The following ARHGAP15 variants were observed in gnomAD, a reference collection of about 807,000 sequenced individuals.
ARHGAP15 encodes the protein rho GTPase-activating protein 15.
Under a neutral mutation model 63.7 loss-of-function variants are expected in ARHGAP15, and 51 were observed. That is an observed-to-expected ratio of 0.80 (90% confidence interval 0.64 to 1.01). The LOEUF is 1.01. ARHGAP15 is among the 50% of genes least tolerant of loss of function. The pLI, the probability that ARHGAP15 is intolerant of heterozygous loss-of-function variation, is 0.00. For missense variants in ARHGAP15, 560 were observed against 564.6 expected, an observed-to-expected ratio of 0.99 and a Z score of 0.08; for synonymous variants, 191 against 193.8, an observed-to-expected ratio of 0.99 and a Z score of 0.12.
chr2:143,262,775 T>C (rs1338261031), intron 6 of ARHGAP15, among the ~76,000 whole-genome samples: 3 of 152,130 alleles, frequency 2.0e-5, no homozygotes, highest in Non-Finnish European at 4.4e-5. Context: ...ATCATGAGTA[T>C]CCATAGTTAC....
chr2:143,340,656 C>T (rs1685019604), intron 6 of ARHGAP15, among the ~76,000 whole-genome samples: 1 of 151,776 alleles, frequency 6.6e-6, no homozygotes, highest in South Asian at 2.1e-4. Flanking sequence ...CTCAGGGTGT[C>T]ATTAAGAGCA....
At chr2:143,509,574 G>A (rs781253176) in intron 9 of ARHGAP15, among the ~76,000 whole-genome samples, 16 of 152,086 alleles carry the variant, frequency 1.1e-4, no homozygotes, top group Non-Finnish European at 2.2e-4. Context: ...CAAAAACATA[G>A]GCCATTCCAT....
At chr2:143,280,316 G>T (rs1160116168) in intron 6 of ARHGAP15, among the ~76,000 whole-genome samples, 1 of 152,092 alleles carries the variant, frequency 6.6e-6, no homozygotes, top group Non-Finnish European at 1.5e-5. Context: ...GAGCAAGAAA[G>T]GATGTAGGGA....
chr2:143,178,919 C>T (rs556697973), intron 2 of ARHGAP15, among the ~76,000 whole-genome samples: 13 of 152,296 alleles, frequency 8.5e-5, no homozygotes, highest in Non-Finnish European at 1.5e-4. Flanking sequence ...CTGGAATCAC[C>T]AATTTATTTT....
Position 143,653,809 on chromosome 2 carries a change from C to G in ARHGAP15, c.1138+29542C>G, listed in dbSNP as rs544856074. 2.0e-5 allele frequency among the ~76,000 whole-genome samples: 3 copies of G among 152,256 alleles called. No individual in the cohort carries two copies. The South Asian group carries it at 6.2e-4, about 32-fold the overall frequency. ...CTGTTTTGTTTCCATAGTGCCAGAA[C>G]AGGGCACAGTACCTGGCATATAATA... On this transcript the variant is annotated intron_variant, in intron 12 of 13. Transcript: ENST00000295095.
At chr2:143,644,441 G>A (rs567669099) in intron 12 of ARHGAP15, among the ~76,000 whole-genome samples, 11 of 152,066 alleles carry the variant, frequency 7.2e-5, no homozygotes, top group Admixed American at 2.6e-4. Flanking sequence ...ATCAGCTTCC[G>A]GGGAGAAATG....
chr2:143,491,135 T>C (rs955896517), intron 9 of ARHGAP15, among the ~76,000 whole-genome samples: 1 of 152,188 alleles, frequency 6.6e-6, no homozygotes, highest in Non-Finnish European at 1.5e-5. Flanking sequence ...GGTGAGCCCT[T>C]TTTAAATATA....
intron 12 of ARHGAP15, among the ~76,000 whole-genome samples, chr2:143,631,461 T>C (rs895438428): frequency 8.5e-5 from 13 of 152,214 alleles, no homozygotes; most frequent in African/African-American, 2.6e-4. Flanking sequence ...AGAGTTCCAG[T>C]TTCCCCACAT....
chr2:143,623,145 T>C (rs1272193193), intron 11 of ARHGAP15, among the ~76,000 whole-genome samples: 1 of 152,212 alleles, frequency 6.6e-6, no homozygotes, highest in Non-Finnish European at 1.5e-5. Context: ...GAAAGACAAA[T>C]CGTCTGGCTC....
rs554195352 is a variant in ARHGAP15, at chr2:143,134,113, A to G, written c.-15+4647A>G. Among the ~76,000 whole-genome samples the G allele has an allele frequency of 2.0e-3, 62 of 30,502 alleles. 1 individual carries two copies. Among genetic ancestry groups the G allele is most frequent in the African/African-American group, 6.1e-3 (57 of 9,294 alleles). 20.0% of individuals were successfully genotyped at this position (30,502 alleles called of 152,430 possible). Reference sequence around the variant, plus strand: ...ATTGTTTCTATTTGAAAATCTATCTATCTATCTATCTATCTATCTATCTAT... The same window carrying G: ...ATTGTTTCTATTTGAAAATCTATCTGTCTATCTATCTATCTATCTATCTAT... On this transcript the variant is annotated intron_variant, in intron 1 of 13. Transcript: ENST00000295095.
intron 12 of ARHGAP15, among the ~76,000 whole-genome samples, chr2:143,658,773 A>G (rs1391308328): frequency 1.3e-5 from 2 of 152,154 alleles, no homozygotes; most frequent in South Asian, 2.1e-4. Flanking sequence ...AGAGGAGGGC[A>G]TTTTTCAGGA....
At chr2:143,743,413 G>A (rs1365009856) in intron 13 of ARHGAP15, among the ~76,000 whole-genome samples, 1 of 152,166 alleles carries the variant, frequency 6.6e-6, no homozygotes, top group East Asian at 1.9e-4. Context: ...ATGCTACTTC[G>A]GTCATGTGTA....
At chr2:143,410,480 G>A (rs1412153275) in intron 6 of ARHGAP15, among the ~76,000 whole-genome samples, 1 of 152,158 alleles carries the variant, frequency 6.6e-6, no homozygotes, top group Non-Finnish European at 1.5e-5. Context: ...TCCTGGAGGG[G>A]AAGAAAGCAT....
At chr2:143,385,959 C>G (rs562026144) in intron 6 of ARHGAP15, among the ~76,000 whole-genome samples, 78 of 152,032 alleles carry the variant, frequency 5.1e-4, no homozygotes, top group Non-Finnish European at 9.9e-4. Flanking sequence ...AGTGTTGATG[C>G]TCTGAACTAC....
intron 10 of ARHGAP15, among the ~76,000 whole-genome samples, chr2:143,529,659 G>A (rs1027211012): frequency 6.6e-6 from 1 of 151,952 alleles, no homozygotes; most frequent in Non-Finnish European, 1.5e-5. Context: ...TTTTCTAATG[G>A]CCTATTCCTT....
At chr2:143,392,250 C>T (rs1480409232) in intron 6 of ARHGAP15, among the ~76,000 whole-genome samples, 1 of 152,016 alleles carries the variant, frequency 6.6e-6, no homozygotes, top group Non-Finnish European at 1.5e-5. Context: ...CTGCCATTTT[C>T]CAATAATTTT....
intron 6 of ARHGAP15, among the ~76,000 whole-genome samples, chr2:143,257,721 TA>T (rs1255402163): frequency 2.0e-4 from 31 of 152,212 alleles, no homozygotes; most frequent in African/African-American, 7.5e-4. Context: ...TGTTTTCCCA[TA>T]AGCAGAATGA....
intron 6 of ARHGAP15, among the ~76,000 whole-genome samples, chr2:143,377,964 T>C (rs530256701): frequency 2.3e-4 from 35 of 152,080 alleles, no homozygotes; most frequent in Non-Finnish European, 4.6e-4. Flanking sequence ...TAAACATTAA[T>C]AATTAATTTA....
chr2:143,699,097 A>T (rs75623663), intron 12 of ARHGAP15, among the ~76,000 whole-genome samples: 414 of 152,274 alleles, frequency 2.7e-3, no homozygotes, highest in African/African-American at 9.4e-3. Flanking sequence ...GCTGATTCCA[A>T]TTCCTAATAT....
Sources: allele counts gnomAD v4.1 joint callset (sites outside exome capture counted in the v4.1 genomes callset), GRCh38; gene constraint gnomAD v4.1.1; transcripts MANE v1.5; gene names NCBI Gene and HGNC (gene_info 2026-07-23, HGNC 2026-07-21).